JPT1: variants seen among roughly 807,000 people sequenced by gnomAD.
JPT1 encodes the protein androgen-regulated protein 2.
JPT1 carries 5 observed loss-of-function variants against 17.0 expected under a neutral mutation model. The ratio of observed to expected loss-of-function variants is 0.29; its 90% confidence interval spans 0.15 to 0.62. The LOEUF is 0.62. JPT1 is among the 20% of genes least tolerant of loss of function. The pLI is 0.85. For missense variants in JPT1, 158 were observed against 188.1 expected, an observed-to-expected ratio of 0.84 and a Z score of 0.94; for synonymous variants, 71 against 73.6, an observed-to-expected ratio of 0.96 and a Z score of 0.18.
rs1369923122 is a variant in JPT1 at position 75,135,791 on chromosome 17, T to TA, written c.*310dup. 1.9e-6 allele frequency: 1 copy of TA among 529,044 alleles called. No homozygotes were observed. Among genetic ancestry groups the TA allele is most frequent in the Non-Finnish European group, 3.3e-6 (1 of 300,530 alleles). The allele number at this position is 529,044 out of a possible 1,614,324, so 32.8% of individuals were successfully genotyped here. A position where few individuals can be genotyped will look rare whatever the true frequency, so the allele number is the denominator to read the frequency against. ...GGCTTGGTAAACCCAAGTAAAGTGT[T>TA]AAAAACCTCAGTACAAAAGATCCTC... On this transcript the variant is annotated 3_prime_UTR_variant, in exon 5 of 5. Transcript: ENST00000409753.
At chr17:75,138,754 T>C (rs1019965652) in intron 4 of JPT1, among the ~76,000 whole-genome samples, 1 of 152,198 alleles carries the variant, frequency 6.6e-6, no homozygotes, top group African/African-American at 2.4e-5. Flanking sequence ...ACTTATCTCA[T>C]GATAGGCTAG....
intron 4 of JPT1, among the ~76,000 whole-genome samples, chr17:75,138,141 T>C (rs2074243055): frequency 6.6e-6 from 1 of 151,876 alleles, no homozygotes; most frequent in Admixed American, 6.6e-5. Context: ...TTTGTATTTT[T>C]AGTAGAGACA....
At chr17:75,148,912 T>A (rs1160916139) in intron 1 of JPT1, among the ~76,000 whole-genome samples, 1 of 152,190 alleles carries the variant, frequency 6.6e-6, no homozygotes, top group Non-Finnish European at 1.5e-5. Context: ...ACAAGGCAGC[T>A]GAAACAGCAT....
Position 75,154,482 on chromosome 17 carries a change from A to C in JPT1, c.-85T>G, listed in dbSNP as rs1210331752. 10 of 1,265,504 alleles carry C rather than the reference A, an allele frequency of 7.9e-6. No homozygotes were observed. The highest frequency in any genetic ancestry group is 9.8e-6 in the Non-Finnish European group (9 of 914,652). The allele number at this position is 1,265,504 out of a possible 1,614,324, so 78.4% of individuals were successfully genotyped here. A position where few individuals can be genotyped will look rare whatever the true frequency, so the allele number is the denominator to read the frequency against. On this transcript the variant is annotated 5_prime_UTR_variant, in exon 1 of 5. Coordinates refer to ENST00000409753, the MANE Select transcript of JPT1 (RefSeq NM_016185.4). Reference sequence around the variant, plus strand: ...GGGGCGCTGGGAAACTCCACACCCAACAGCCGACCACCGCTGCAGGAGCCG... The same window carrying C: ...GGGGCGCTGGGAAACTCCACACCCACCAGCCGACCACCGCTGCAGGAGCCG...
intron 4 of JPT1, among the ~76,000 whole-genome samples, chr17:75,142,396 C>T (rs1413838769): frequency 6.7e-6 from 1 of 150,274 alleles, no homozygotes; most frequent in Non-Finnish European, 1.5e-5. Context: ...TCTGTCTCTA[C>T]TAATAAAAAA....
intron 1 of JPT1, chr17:75,153,729 GA>G: frequency 6.6e-6 from 1 of 152,474 alleles, no homozygotes; most frequent in Non-Finnish European, 1.5e-5. Flanking sequence ...AATGGGGGGT[GA>G]AGGGTCGCGA....
chr17:75,135,955 C>T lies in JPT1; in HGVS notation c.*147G>A, dbSNP rs1472719654. 3.2e-6 allele frequency: 5 copies of T among 1,548,820 alleles called. No individual in the cohort carries two copies. The highest frequency in any genetic ancestry group is 4.4e-6 in the Non-Finnish European group (5 of 1,146,110). On this transcript the variant is annotated 3_prime_UTR_variant, in exon 5 of 5. Coordinates refer to ENST00000409753, the MANE Select transcript of JPT1 (RefSeq NM_016185.4). ...AGTCAAGGACAGAGAGAAACCTGTT[C>T]TTCAAAAGAAAAAAAAAAAAGACAG...
chr17:75,136,853 G>A (rs1182670101), intron 4 of JPT1, among the ~76,000 whole-genome samples: 3 of 152,134 alleles, frequency 2.0e-5, no homozygotes, highest in East Asian at 1.9e-4. Flanking sequence ...TTCCAGCTCC[G>A]GGTGGATCCT....
chr17:75,148,388 GCA>G, intron 2 of JPT1, 139 bp downstream of exon 2: 1 of 966,452 alleles, frequency 1.0e-6, no homozygotes, highest in East Asian at 2.6e-5. Flanking sequence ...GGGACTAAAT[GCA>G]CACTGCCACT....
intron 4 of JPT1, chr17:75,145,668 C>T (rs1260685161): frequency 6.6e-6 from 1 of 152,182 alleles, no homozygotes; most frequent in Non-Finnish European, 1.5e-5. Flanking sequence ...AAAGCTCTCT[C>T]TGGCTGGTAG....
At position 75,135,931 on chromosome 17, in the gene JPT1, G is replaced by A; in HGVS notation, c.*171C>T. 4 of 1,451,304 alleles carry A rather than the reference G, an allele frequency of 2.8e-6. No individual in the cohort carries two copies. Among genetic ancestry groups the A allele is most frequent in the Non-Finnish European group, 2.8e-6 (3 of 1,068,620 alleles). The allele number at this position is 1,451,304 out of a possible 1,614,324, so 89.9% of individuals were successfully genotyped here. On this transcript the variant is annotated 3_prime_UTR_variant, in exon 5 of 5. Transcript: ENST00000409753. ...CATGCCATGGCCCACAGACCCAAGA[G>A]TCAAGGACAGAGAGAAACCTGTTCT...
rs2074544168 is a variant in JPT1 at position 75,151,072 on chromosome 17, TC to T, written c.57-2402del. On this transcript the variant is annotated intron_variant, in intron 1 of 4. Coordinates refer to ENST00000409753, the MANE Select transcript of JPT1 (RefSeq NM_016185.4). ...TTTCACCGTGTTAGCCAGGATGGTCTCCATCTCCTGACCTCATGATCTGCCC... is the reference window on the plus strand; with the variant it reads ...TTTCACCGTGTTAGCCAGGATGGTCTCATCTCCTGACCTCATGATCTGCCC... Among the ~76,000 whole-genome samples, 9 of 151,674 alleles carry T rather than the reference TC, an allele frequency of 5.9e-5. No homozygotes were observed. In the South Asian group the frequency reaches 1.9e-3, roughly 32 times the overall value.
chr17:75,149,686 T>TA (rs1336236739), intron 1 of JPT1, among the ~76,000 whole-genome samples: 1 of 152,140 alleles, frequency 6.6e-6, no homozygotes, highest in Non-Finnish European at 1.5e-5. Flanking sequence ...AAATAAATTT[T>TA]AAAAAATCAC....
intron 1 of JPT1, among the ~76,000 whole-genome samples, chr17:75,149,427 G>A (rs936894742): frequency 3.9e-5 from 6 of 152,262 alleles, no homozygotes; most frequent in African/African-American, 1.4e-4. Flanking sequence ...GAGTGCAGTG[G>A]CGCGATCTCA....
intron 3 of JPT1, 40 bp downstream of exon 3, chr17:75,147,516 T>C: frequency 7.3e-7 from 1 of 1,364,102 alleles, no homozygotes; most frequent in Non-Finnish European, 1.0e-6. Context: ...AGAATCATAT[T>C]GACCTGAAAG....
chr17:75,140,210 C>T (rs965693114), intron 4 of JPT1, among the ~76,000 whole-genome samples: 12 of 151,964 alleles, frequency 7.9e-5, no homozygotes, highest in Admixed American at 5.2e-4. Flanking sequence ...GCCACCGCGC[C>T]CAGCCAAATG....
intron 1 of JPT1, chr17:75,149,227 A>G (rs2074497467): frequency 2.5e-6 from 1 of 395,248 alleles, no homozygotes; most frequent in Non-Finnish European, 4.9e-6. Flanking sequence ...GTAGTGGCGC[A>G]TGCCTGTGGT....
At chr17:75,137,488 C>G (rs905728879) in intron 4 of JPT1, among the ~76,000 whole-genome samples, 1 of 151,358 alleles carries the variant, frequency 6.6e-6, no homozygotes, top group Admixed American at 6.6e-5. Flanking sequence ...TCCCAAATAG[C>G]TGGGACTACA....
intron 4 of JPT1, chr17:75,145,681 A>C (rs181427240): frequency 1.1e-4 from 17 of 152,280 alleles, no homozygotes; most frequent in African/African-American, 3.8e-4. Flanking sequence ...GCTGGTAGTG[A>C]GTTATCTTGT....
Sources: allele counts gnomAD v4.1 joint callset (sites outside exome capture counted in the v4.1 genomes callset), GRCh38; gene constraint gnomAD v4.1.1; transcripts MANE v1.5; gene names NCBI Gene and HGNC (gene_info 2026-07-23, HGNC 2026-07-21).